Variants in ROR2 observed in about 807,000 individuals in gnomAD.
The protein encoded by ROR2 is tyrosine-protein kinase transmembrane receptor ROR2.
ROR2 carries 33 observed loss-of-function variants against 74.9 expected under a neutral mutation model. The observed-to-expected ratio is 0.44, with a 90% confidence interval of 0.33 to 0.59. ROR2 has a LOEUF of 0.59. Among genes scored for constraint, ROR2 ranks in the 20% least tolerant of loss-of-function variants. The pLI is 0.02. For missense variants in ROR2, 1,216 were observed against 1,313.8 expected, an observed-to-expected ratio of 0.93 and a Z score of 1.15; for synonymous variants, 586 against 558.7, an observed-to-expected ratio of 1.05 and a Z score of -0.69.
chr9:91,902,570 T>C (rs748599266), intron 1 of ROR2, among the ~76,000 whole-genome samples: 6 of 152,102 alleles, frequency 3.9e-5, no homozygotes, highest in Non-Finnish European at 8.8e-5. Context: ...AGGGCCCTCC[T>C]TGGGCGACCC....
chr9:91,809,238 A>T (rs935745526), intron 1 of ROR2, among the ~76,000 whole-genome samples: 1 of 152,080 alleles, frequency 6.6e-6, no homozygotes, highest in Non-Finnish European at 1.5e-5. Flanking sequence ...TCCCTGGAAA[A>T]ACCAAAAGGA....
In ROR2 at chr9:91,806,458, G is replaced by T. The variant is rs372297163; in HGVS notation, c.98-30640C>A. Among the ~76,000 whole-genome samples the T allele has an allele frequency of 2.0e-5, 3 of 152,198 alleles. No homozygotes were observed. In the East Asian group the frequency reaches 5.8e-4, roughly 29 times the overall value. ...ACACCTCCTAATACCATCACCTTGGGGGTGAGGATTTCAATATAGGCATTT... is the reference window on the plus strand; with the variant it reads ...ACACCTCCTAATACCATCACCTTGGTGGTGAGGATTTCAATATAGGCATTT... On this transcript the variant is annotated intron_variant, in intron 1 of 8. Coordinates refer to ENST00000375708, the MANE Select transcript of ROR2 (RefSeq NM_004560.4).
chr9:91,764,847 C>T (rs1001459123), intron 2 of ROR2, among the ~76,000 whole-genome samples: 10 of 152,236 alleles, frequency 6.6e-5, no homozygotes, highest in African/African-American at 1.7e-4. Flanking sequence ...ATGATAGTTT[C>T]GTTGGGTATA....
At chr9:91,877,839 G>C (rs1829998991) in intron 1 of ROR2, among the ~76,000 whole-genome samples, 1 of 152,228 alleles carries the variant, frequency 6.6e-6, no homozygotes, top group South Asian at 2.1e-4. Flanking sequence ...GGGTGGGAGA[G>C]TGTCAGGCTT....
At chr9:91,844,548 C>T (rs1029155362) in intron 1 of ROR2, among the ~76,000 whole-genome samples, 15 of 152,158 alleles carry the variant, frequency 9.9e-5, no homozygotes, top group African/African-American at 3.6e-4. Context: ...CAATTCAGTC[C>T]ACAGCAAATC....
chr9:91,900,288 G>A (rs1247531847), intron 1 of ROR2, among the ~76,000 whole-genome samples: 4 of 152,210 alleles, frequency 2.6e-5, no homozygotes, highest in Non-Finnish European at 4.4e-5. Flanking sequence ...ACTGGACGCC[G>A]CAAGGGGCTG....
At chr9:91,810,815 AATGCGGCCCT>A (rs1187585528) in intron 1 of ROR2, among the ~76,000 whole-genome samples, 2 of 152,180 alleles carry the variant, frequency 1.3e-5, no homozygotes, top group Non-Finnish European at 2.9e-5. Flanking sequence ...ACACACAGGG[AATGCGGCCCT>A]AATTAGGACC....
chr9:91,948,901 C>CT (rs1363952301), intron 1 of ROR2: 1 of 985,184 alleles, frequency 1.0e-6, no homozygotes. Flanking sequence ...GCGGGAGGTG[C>CT]TCCCGGAGTC....
chr9:91,765,980 A>G (rs936150790), intron 2 of ROR2, among the ~76,000 whole-genome samples: 1 of 152,166 alleles, frequency 6.6e-6, no homozygotes, highest in Non-Finnish European at 1.5e-5. Context: ...TCCAATTCCA[A>G]GTGAAATCAG....
chr9:91,888,889 C>T (rs1003849840), intron 1 of ROR2, among the ~76,000 whole-genome samples: 2 of 152,066 alleles, frequency 1.3e-5, no homozygotes, highest in Non-Finnish European at 2.9e-5. Flanking sequence ...AGGCTGTCCA[C>T]GAAGCAGGTT....
At chr9:91,787,004 A>G (rs933313800) in intron 1 of ROR2, among the ~76,000 whole-genome samples, 1 of 152,210 alleles carries the variant, frequency 6.6e-6, no homozygotes, top group African/African-American at 2.4e-5. Context: ...CTGGGTGACA[A>G]TGAGACCCTG....
intron 1 of ROR2, among the ~76,000 whole-genome samples, chr9:91,929,716 C>T (rs1831501419): frequency 6.6e-6 from 1 of 152,158 alleles, no homozygotes; most frequent in Admixed American, 6.5e-5. Context: ...AAAGGAGCCT[C>T]AACTCTAAAC....
At chr9:91,812,563 A>C (rs1472082410) in intron 1 of ROR2, among the ~76,000 whole-genome samples, 18 of 131,452 alleles carry the variant, frequency 1.4e-4, no homozygotes, top group Admixed American at 2.2e-4. Context: ...TCCCCGCCCC[A>C]CCCCCCCCAC....
intron 1 of ROR2, among the ~76,000 whole-genome samples, chr9:91,823,224 T>C (rs1214986782): frequency 6.6e-6 from 1 of 152,200 alleles, no homozygotes; most frequent in Non-Finnish European, 1.5e-5. Flanking sequence ...CATGTAAGAA[T>C]GGTGCTGCCA....
chr9:91,734,406 T>A (rs1824953242), intron 5 of ROR2, among the ~76,000 whole-genome samples: 1 of 152,168 alleles, frequency 6.6e-6, no homozygotes, highest in Non-Finnish European at 1.5e-5. Flanking sequence ...TGGCATTTAG[T>A]CCCTGAGGAG....
At chr9:91,852,337 C>T (rs985157375) in intron 1 of ROR2, among the ~76,000 whole-genome samples, 3 of 152,188 alleles carry the variant, frequency 2.0e-5, no homozygotes, top group Non-Finnish European at 4.4e-5. Flanking sequence ...CTTAATTTAG[C>T]TTCCCCACTT....
intron 1 of ROR2, among the ~76,000 whole-genome samples, chr9:91,906,785 G>A (rs1830829655): frequency 6.6e-6 from 1 of 152,092 alleles, no homozygotes; most frequent in Non-Finnish European, 1.5e-5. Context: ...TCTGCACCAC[G>A]GACAGTCTGA....
At chr9:91,789,833 T>C (rs1826914377) in intron 1 of ROR2, among the ~76,000 whole-genome samples, 1 of 151,914 alleles carries the variant, frequency 6.6e-6, no homozygotes, top group Non-Finnish European at 1.5e-5. Context: ...ACCATATTGG[T>C]AAGTAAGTTA....
chr9:91,750,427 T>G (rs1825563481), intron 4 of ROR2, among the ~76,000 whole-genome samples: 1 of 152,240 alleles, frequency 6.6e-6, no homozygotes, highest in Non-Finnish European at 1.5e-5. Flanking sequence ...AGACATCTTA[T>G]TTGATGTATA....
Sources: allele counts gnomAD v4.1 joint callset (sites outside exome capture counted in the v4.1 genomes callset), GRCh38; gene constraint gnomAD v4.1.1; transcripts MANE v1.5; gene names NCBI Gene and HGNC (gene_info 2026-07-23, HGNC 2026-07-21).